Variants in PLK3 observed in about 807,000 individuals in gnomAD.
PLK3 encodes the protein polo like kinase 3, also known as serine/threonine-protein kinase PLK3.
PLK3 carries 41 observed loss-of-function variants against 71.6 expected under a neutral mutation model. That is an observed-to-expected ratio of 0.57 (90% CI 0.45 to 0.74). The LOEUF is 0.74. Among genes scored for constraint, PLK3 ranks in the 30% least tolerant of loss-of-function variants. The pLI, the probability that PLK3 is intolerant of heterozygous loss-of-function variation, is 0.00. For missense variants in PLK3, 791 were observed against 875.6 expected, an observed-to-expected ratio of 0.90 and a Z score of 1.22; for synonymous variants, 366 against 355.4, an observed-to-expected ratio of 1.03 and a Z score of -0.33.
chr1:44,804,625 T>A, intron 12 of PLK3, 25 bp from the exon 13 acceptor site: 1 of 1,610,810 alleles, frequency 6.2e-7, no homozygotes, highest in Non-Finnish European at 8.5e-7. Flanking sequence ...CAGGGCTCCC[T>A]CTGACCTCTG....
chr1:44,803,919 C>T lies in PLK3; in HGVS notation c.1165-12C>T. 1 of 1,542,572 alleles carries T rather than the reference C, an allele frequency of 6.5e-7. No individual in the cohort carries two copies. Among genetic ancestry groups the T allele is most frequent in the Non-Finnish European group, 8.8e-7 (1 of 1,139,512 alleles). On this transcript the variant is annotated splice_polypyrimidine_tract_variant and intron_variant, in intron 9 of 14. Transcript: ENST00000372201. The surrounding 1 kb of genome is among the most constrained non-coding windows in gnomAD (Gnocchi z 4.3). Reference sequence around the variant, plus strand: ...GGCCTGTGTCACTCCCTTTCCCTGCCCAACCCTCCAGGCTCCAGCAGCTTC... The same window carrying T: ...GGCCTGTGTCACTCCCTTTCCCTGCTCAACCCTCCAGGCTCCAGCAGCTTC...
Position 44,802,842 on chromosome 1 carries a change from C to T in PLK3, c.736C>T (p.Leu246=), listed in dbSNP as rs1322080176. 5 of 1,613,620 alleles carry T rather than the reference C, an allele frequency of 3.1e-6. No individual in the cohort carries two copies. In the Admixed American group the frequency reaches 8.3e-5, roughly 27 times the overall value. Residue 246 remains leucine (L), a synonymous_variant, in exon 6 of 15, where the codon CTG becomes TTG. Transcript: ENST00000372201. ...GHGPEADVWS[L]GCVMYTLLCG... ...CGGCCCTGAGGCGGATGTATGGTCA[C>T]TGGGCTGTGTCATGTGAGTTGCAGG...
At position 44,800,443 on chromosome 1, in the gene PLK3, G is replaced by GAGAAGCGGC; in HGVS notation, c.-21_-20insAGAAGCGGC. 7.5e-7 allele frequency: 1 copy of GAGAAGCGGC among 1,338,860 alleles called. No individual in the cohort carries two copies. Among genetic ancestry groups the GAGAAGCGGC allele is most frequent in the African/African-American group, 1.5e-5 (1 of 64,528 alleles). The allele number at this position is 1,338,860 out of a possible 1,614,324, so 82.9% of individuals were successfully genotyped here. A position where few individuals can be genotyped will look rare whatever the true frequency, so the allele number is the denominator to read the frequency against. On this transcript the variant is annotated 5_prime_UTR_variant, in exon 1 of 15. Coordinates refer to ENST00000372201, the MANE Select transcript of PLK3 (RefSeq NM_004073.4). The surrounding 1 kb of genome is among the most constrained non-coding windows in gnomAD (Gnocchi z 6.5). ...CGGGCGGAACCGAGAAGCCGGGACC[G>GAGAAGCGGC]CGCTGCGACGCGCCGGCCGCATGGA...
At chr1:44,802,271 G>C (rs1651857991) in intron 5 of PLK3, among the ~76,000 whole-genome samples, 1 of 152,176 alleles carries the variant, frequency 6.6e-6, no homozygotes, top group African/African-American at 2.4e-5. Context: ...GTGAGAGACA[G>C]ACTGAGAGTG....
In PLK3 at chr1:44,800,799, G is replaced by C. The variant is rs779687904; in HGVS notation, c.211-41G>C. ...GCGGGGACGCCCGCGGGCCAGACTC[G>C]GCCCCCCTGGAACAACCAGCCTGAT... On this transcript the variant is annotated intron_variant, in intron 1 of 14. Coordinates refer to ENST00000372201, the MANE Select transcript of PLK3 (RefSeq NM_004073.4). This position sits in a 1 kb window ranked among gnomAD's most constrained non-coding sequence, Gnocchi z 6.5. 6 of 1,578,642 alleles carry C rather than the reference G, an allele frequency of 3.8e-6. No individual in the cohort carries two copies. Among genetic ancestry groups the C allele is most frequent in the South Asian group, 2.3e-5 (2 of 88,368 alleles).
intron 5 of PLK3, among the ~76,000 whole-genome samples, chr1:44,802,322 C>T (rs1651858885): frequency 6.6e-6 from 1 of 152,042 alleles, no homozygotes; most frequent in African/African-American, 2.4e-5. Context: ...TAAGAAGACC[C>T]TGCTGTGGCC....
Position 44,803,678 on chromosome 1 carries a change from A to T in PLK3, c.1151A>T (p.Asp384Val), listed in dbSNP as rs1304404970. The T allele has an allele frequency of 1.9e-6, 3 of 1,612,548 alleles. No homozygotes were observed. The highest frequency in any genetic ancestry group is 2.5e-6 in the Non-Finnish European group (3 of 1,179,108). ...GLMRTSVGHQ[D>V]ARPEAPAASG... ...ATGCGCACATCCGTTGGCCATCAGG[A>T]TGCCAGGCCAGAGGTGAGGCGCTCA... Residue 384 changes from aspartate (D) to valine (V), a missense_variant, in exon 9 of 15, where the codon GAT (aspartate) becomes GTT (valine). Transcript: ENST00000372201. The surrounding 1 kb of genome is among the most constrained non-coding windows in gnomAD (Gnocchi z 4.3).
intron 3 of PLK3, 69 bp from the exon 4 acceptor site, chr1:44,801,553 C>T (rs1651829754): frequency 1.3e-6 from 2 of 1,548,956 alleles, no homozygotes; most frequent in East Asian, 2.3e-5. Context: ...GTTTCTTCCT[C>T]AGGGAGCACA....
Position 44,801,948 on chromosome 1 carries a change from A to C in PLK3, c.653+16A>C, listed in dbSNP as rs770002752. 1 of 1,593,098 alleles carries C rather than the reference A, an allele frequency of 6.3e-7. No homozygotes were observed. The highest frequency in any genetic ancestry group is 2.2e-5 in the East Asian group (1 of 44,752). Reference sequence around the variant, plus strand: ...AGAGGAAGAAGTGAGTTTTGAGGAAAGGGGCCCTGTGTGTGATACAGATGA... The same window carrying C: ...AGAGGAAGAAGTGAGTTTTGAGGAACGGGGCCCTGTGTGTGATACAGATGA... On this transcript the variant is annotated intron_variant, in intron 5 of 14. Coordinates refer to ENST00000372201, the MANE Select transcript of PLK3 (RefSeq NM_004073.4).
In PLK3 at chr1:44,803,973, A is replaced by G; in HGVS notation, c.1207A>G (p.Thr403Ala). The change falls in exon 10 of 15, where the codon ACA becomes GCA. Residue 403 changes from threonine to alanine, a missense_variant. Thr to Ala is a moderately conservative substitution (Grantham distance 58, BLOSUM62 0). Transcript: ENST00000372201. This position sits in a 1 kb window ranked among gnomAD's most constrained non-coding sequence, Gnocchi z 4.3. The stretch of plus-strand genomic sequence containing the variant: ...CCCAGCCCCTGTCAGCCTGGTAGAG[A>G]CAGCACCTGAAGACAGCTCACCCCG... ...SGPAPVSLVE[T>A]APEDSSPRGT... The G allele has an allele frequency of 1.3e-6, 2 of 1,552,830 alleles. No homozygotes were observed. The highest frequency in any genetic ancestry group is 1.7e-6 in the Non-Finnish European group (2 of 1,147,466).
In PLK3 at chr1:44,800,538, G is replaced by A; in HGVS notation, c.75G>A (p.Gly25=). The A allele has an allele frequency of 6.7e-7, 1 of 1,482,676 alleles. No individual in the cohort carries two copies. The highest frequency in any genetic ancestry group is 8.9e-7 in the Non-Finnish European group (1 of 1,124,868). 91.8% of individuals were successfully genotyped at this position (1,482,676 alleles called of 1,614,324 possible). ...CCGCCGCGCCCGCTCCCCCGGCCGG[G>A]CCCGGGCCGCCTCCGAGTGCCTTGC... ...RAAAAPAPPA[G]PGPPPSALRG... Residue 25 remains glycine (G), a synonymous_variant, in exon 1 of 15, where the codon GGG becomes GGA. Coordinates refer to ENST00000372201, the MANE Select transcript of PLK3 (RefSeq NM_004073.4). This position sits in a 1 kb window ranked among gnomAD's most constrained non-coding sequence, Gnocchi z 6.5.
rs375003454 is a variant in PLK3, at chr1:44,803,997, C to T, written c.1231C>T (p.Arg411Cys). The T allele has an allele frequency of 4.9e-5, 76 of 1,554,036 alleles. No individual in the cohort carries two copies. Among genetic ancestry groups the T allele is most frequent in the Middle Eastern group, 3.3e-4 (2 of 6,000 alleles). The change falls in exon 10 of 15, where the codon CGT becomes TGT. Residue 411 changes from arginine (R) to cysteine (C), a missense_variant. Physicochemically the swap from Arg to Cys is radical, Grantham distance 180. Transcript: ENST00000372201. The surrounding 1 kb of genome is among the most constrained non-coding windows in gnomAD (Gnocchi z 4.3). Reference protein sequence around the residue: ...VETAPEDSSPRGTLASSGDGF... With the variant: ...VETAPEDSSPCGTLASSGDGF... ...GACAGCACCTGAAGACAGCTCACCC[C>T]GTGGGACACTGGCAAGCAGTGGAGA...
At position 44,804,021 on chromosome 1, in the gene PLK3, G is replaced by A. The variant is rs755415213; in HGVS notation, c.1255G>A (p.Asp419Asn). The change falls in exon 10 of 15, where the codon GAT (aspartate) becomes AAT (asparagine). Residue 419 changes from aspartate to asparagine, a missense_variant. Physicochemically the swap from Asp to Asn is conservative, Grantham distance 23. Transcript: ENST00000372201. ...SPRGTLASSGDGFEEGLTVAT... is the reference protein window; with the variant it reads ...SPRGTLASSGNGFEEGLTVAT... ...CCGTGGGACACTGGCAAGCAGTGGA[G>A]ATGGTGAGGAGCCAGGGAGGATGAG... 1.9e-5 allele frequency: 29 copies of A among 1,553,634 alleles called. No homozygotes were observed. The highest frequency in any genetic ancestry group is 2.4e-5 in the Non-Finnish European group (28 of 1,145,132).
chr1:44,804,239 G>T lies in PLK3; in HGVS notation c.1335G>T (p.Met445Ile). The change falls in exon 11 of 15, where the codon ATG becomes ATT. Residue 445 changes from methionine (M) to isoleucine (I), a missense_variant. Coordinates refer to ENST00000372201, the MANE Select transcript of PLK3 (RefSeq NM_004073.4). ...LCALRNCIAF[M>I]PPAEQNPAPL... ...CTCTGAGAAATTGTATAGCCTTCAT[G>T]CCCCCAGGTAAGGGTGGGGTCTGGT... is the stretch of plus-strand genomic sequence containing the variant. 6.2e-7 allele frequency: 1 copy of T among 1,613,670 alleles called. No individual in the cohort carries two copies. The highest frequency in any genetic ancestry group is 8.5e-7 in the Non-Finnish European group (1 of 1,179,612).
chr1:44,805,431 G>C, intron 14 of PLK3, 52 bp downstream of exon 14: 1 of 1,605,438 alleles, frequency 6.2e-7, no homozygotes, highest in South Asian at 1.1e-5. Context: ...CAGGGTGCTG[G>C]GGAGGAAGCT....
chr1:44,800,826 C>G lies in PLK3; in HGVS notation c.211-14C>G, dbSNP rs1049887428. 2 of 1,602,454 alleles carry G rather than the reference C, an allele frequency of 1.2e-6. No individual in the cohort carries two copies. The highest frequency in any genetic ancestry group is 1.7e-5 in the Admixed American group (1 of 59,144). On this transcript the variant is annotated splice_polypyrimidine_tract_variant and intron_variant, in intron 1 of 14. Transcript: ENST00000372201. The surrounding 1 kb of genome is among the most constrained non-coding windows in gnomAD (Gnocchi z 6.5). ...CCCCCCTGGAACAACCAGCCTGATGCCCCCTCTTCACAGGGGGGCTTCGCC... is the reference window on the plus strand; with the variant it reads ...CCCCCCTGGAACAACCAGCCTGATGGCCCCTCTTCACAGGGGGGCTTCGCC...
chr1:44,805,605 T>G lies in PLK3; in HGVS notation c.1868T>G (p.Leu623Arg). 6.2e-7 allele frequency: 1 copy of G among 1,614,166 alleles called. No homozygotes were observed. Among genetic ancestry groups the G allele is most frequent in the Non-Finnish European group, 8.5e-7 (1 of 1,179,978 alleles). The change falls in exon 15 of 15, where the codon CTG becomes CGG. Residue 623 changes from leucine (L) to arginine (R), a missense_variant. Leu to Arg is a moderately radical substitution (Grantham distance 102, BLOSUM62 -2). Transcript: ENST00000372201. ...TACCTCGCTTCCCACCTTCGGCAGC[T>G]GGGCTGCTCTCCAGACCTGCGGCAG... ...CTYLASHLRQ[L>R]GCSPDLRQRL...
intron 13 of PLK3, 85 bp from the exon 14 acceptor site, chr1:44,805,181 C>A: frequency 1.1e-6 from 1 of 880,956 alleles, no homozygotes; most frequent in Non-Finnish European, 1.9e-6. Flanking sequence ...GTTGGGGTTG[C>A]TGAAAGCTAG....
In PLK3 at chr1:44,800,718, G is replaced by C. The variant is rs753615352; in HGVS notation, c.210+45G>C. ...CGGGGTGGTGATGGTGGAGGTGGGGGTCCCGGCCGGCCTCTTTTCTGGCGC... is the reference window on the plus strand; with the variant it reads ...CGGGGTGGTGATGGTGGAGGTGGGGCTCCCGGCCGGCCTCTTTTCTGGCGC... On this transcript the variant is annotated intron_variant, in intron 1 of 14. Transcript: ENST00000372201. This position sits in a 1 kb window ranked among gnomAD's most constrained non-coding sequence, Gnocchi z 6.5. 1 of 1,536,562 alleles carries C rather than the reference G, an allele frequency of 6.5e-7. No individual in the cohort carries two copies. The highest frequency in any genetic ancestry group is 1.2e-5 in the South Asian group (1 of 84,070).
Sources: gnomAD v4.1 joint callset for allele counts (sites outside exome capture counted in the v4.1 genomes callset) on GRCh38, gnomAD v4.1.1 for gene constraint, Gnocchi (gnomAD v3.1) non-coding constraint, MANE v1.5 for transcripts, NCBI Gene and HGNC (gene_info 2026-07-23, HGNC 2026-07-21) for gene names.